Variants in KAZN observed in about 807,000 individuals in gnomAD.
The protein encoded by KAZN is kazrin, periplakin interacting protein.
KAZN carries 40 observed loss-of-function variants against 87.4 expected under a neutral mutation model. That is an observed-to-expected ratio of 0.46 (90% confidence interval 0.36 to 0.60). KAZN has a LOEUF of 0.60. Among genes scored for constraint, KAZN ranks in the 20% least tolerant of loss-of-function variants. The probability of loss-of-function intolerance (pLI) is 0.00; values close to 1 mark genes in which losing one functional copy is unlikely to be tolerated. For synonymous variants in KAZN, 466 were observed against 458.3 expected (o/e 1.02, Z -0.22); for missense variants, 898 against 1,073.9 (o/e 0.84, Z 2.29).
At chr1:14,821,926 G>A (rs1004060453) in intron 1 of KAZN, among the ~76,000 whole-genome samples, 1 of 152,188 alleles carries the variant, frequency 6.6e-6, no homozygotes. Flanking sequence ...CAGACACGTG[G>A]TGGTTTTCTT....
At position 14,492,665 on chromosome 1, in the gene KAZN, AAT is replaced by A. The variant is rs1669715330; in HGVS notation, c.250-106316_250-106315del. Among the ~76,000 whole-genome samples the A allele has an allele frequency of 8.8e-4, 27 of 30,836 alleles. 1 individual carries two copies. The highest frequency in any genetic ancestry group is 2.2e-3 in the East Asian group (2 of 924). The allele number at this position is 30,836 out of a possible 152,430, so 20.2% of individuals were successfully genotyped here. A position where few individuals can be genotyped will look rare whatever the true frequency, so the allele number is the denominator to read the frequency against. On this transcript the variant is annotated intron_variant, in intron 2 of 16. Coordinates refer to the KAZN transcript ENST00000636203. Reference sequence around the variant, plus strand: ...CATAACCACACATGCACACACCACAAATACACACTACACACCACACACACACC... The same window carrying A: ...CATAACCACACATGCACACACCACAAACACACTACACACCACACACACACC...
intron 2 of KAZN, among the ~76,000 whole-genome samples, chr1:14,503,579 CA>C (rs1377075286): frequency 6.0e-5 from 9 of 149,850 alleles, no homozygotes; most frequent in Non-Finnish European, 1.3e-4. Flanking sequence ...AATTCCACAT[CA>C]AAACACACAG....
intron 2 of KAZN, among the ~76,000 whole-genome samples, chr1:14,425,679 A>G (rs72645924): frequency 6.4e-4 from 97 of 152,340 alleles, no homozygotes; most frequent in Non-Finnish European, 1.2e-3. Flanking sequence ...AACTGCGGTC[A>G]GCTGGGGTCT....
intron 2 of KAZN, among the ~76,000 whole-genome samples, chr1:14,431,636 G>C (rs370998356): frequency 6.8e-4 from 103 of 152,306 alleles, no homozygotes; most frequent in African/African-American, 1.9e-3. Flanking sequence ...AACAAAGCAG[G>C]CAGAAGAAGA....
At chr1:14,076,651 C>T (rs1643471458) in intron 1 of KAZN, among the ~76,000 whole-genome samples, 1 of 152,178 alleles carries the variant, frequency 6.6e-6, no homozygotes, top group Non-Finnish European at 1.5e-5. Flanking sequence ...AGGGCAAAAC[C>T]ACCCCTGCTT....
chr1:14,988,923 C>T (rs1667091991), intron 2 of KAZN, among the ~76,000 whole-genome samples: 1 of 152,234 alleles, frequency 6.6e-6, no homozygotes, highest in South Asian at 2.1e-4. Context: ...GGCCTGGATT[C>T]CTGGGGGAGG....
At chr1:15,000,925 A>T (rs1337851888) in intron 2 of KAZN, among the ~76,000 whole-genome samples, 2 of 151,568 alleles carry the variant, frequency 1.3e-5, no homozygotes, top group Non-Finnish European at 2.9e-5. Flanking sequence ...GCAACATAGC[A>T]AGACCCTATC....
intron 1 of KAZN, among the ~76,000 whole-genome samples, chr1:14,902,438 C>T (rs959244112): frequency 2.6e-5 from 4 of 152,012 alleles, no homozygotes; most frequent in Non-Finnish European, 5.9e-5. Context: ...CCGTGTTAGC[C>T]AGGATGGTCT....
rs532918849 is a variant in KAZN, at chr1:14,663,099, C to A, written c.226+63876C>A. Among the ~76,000 whole-genome samples the A allele has an allele frequency of 5.3e-4, 80 of 151,890 alleles. 1 individual carries two copies. The highest frequency in any genetic ancestry group is 7.2e-4 in the Non-Finnish European group (49 of 67,966). On this transcript the variant is annotated intron_variant, in intron 1 of 14. Transcript: ENST00000376030. The stretch of plus-strand genomic sequence containing the variant: ...GATCTTCCTACCTCAGCCTCCTGAG[C>A]AGCTGGAACAGCAGGCGTGCATCAC...
intron 2 of KAZN, among the ~76,000 whole-genome samples, chr1:14,277,797 T>A (rs1652500921): frequency 6.6e-6 from 1 of 152,166 alleles, no homozygotes. Flanking sequence ...TCCAAATTAT[T>A]TTGGAGCAAT....
chr1:14,724,553 A>G (rs567600704), intron 1 of KAZN, among the ~76,000 whole-genome samples: 54 of 152,356 alleles, frequency 3.5e-4, no homozygotes, highest in African/African-American at 1.2e-3. Context: ...CAATTAATCT[A>G]AAAAATTAAA....
intron 1 of KAZN, among the ~76,000 whole-genome samples, chr1:14,626,203 A>G (rs571389901): frequency 6.6e-5 from 10 of 152,198 alleles, no homozygotes; most frequent in Non-Finnish European, 1.0e-4. Flanking sequence ...GCCTGTACAC[A>G]TTATACGGAA....
intron 2 of KAZN, among the ~76,000 whole-genome samples, chr1:14,515,719 C>T (rs1421635877): frequency 5.3e-5 from 8 of 152,152 alleles, no homozygotes; most frequent in African/African-American, 1.4e-4. Context: ...GCCACTACCA[C>T]CTCACCAAGT....
intron 1 of KAZN, among the ~76,000 whole-genome samples, chr1:14,175,971 C>G (rs908120170): frequency 3.9e-5 from 6 of 152,118 alleles, no homozygotes; most frequent in African/African-American, 1.4e-4. Flanking sequence ...TCCTAACCTT[C>G]CTGTTTGCAG....
At chr1:14,173,658 T>G (rs1026048488) in intron 1 of KAZN, among the ~76,000 whole-genome samples, 5 of 148,592 alleles carry the variant, frequency 3.4e-5, no homozygotes, top group South Asian at 2.2e-4. Flanking sequence ...GTAGTTCCCC[T>G]CCCCGCCCCG....
At chr1:13,976,762 T>G (rs966721737) in intron 1 of KAZN, among the ~76,000 whole-genome samples, 8 of 152,182 alleles carry the variant, frequency 5.3e-5, no homozygotes, top group African/African-American at 1.9e-4. Flanking sequence ...TGCATCCACC[T>G]ATCTTCCTTA....
At chr1:15,007,672 G>A (rs1292764737) in intron 2 of KAZN, among the ~76,000 whole-genome samples, 1 of 152,186 alleles carries the variant, frequency 6.6e-6, no homozygotes. Flanking sequence ...TGCCGGGCAG[G>A]TAGCTCACCT....
At chr1:14,427,379 G>T (rs1241289867) in intron 2 of KAZN, among the ~76,000 whole-genome samples, 4 of 152,154 alleles carry the variant, frequency 2.6e-5, no homozygotes, top group Non-Finnish European at 5.9e-5. Context: ...ATGAGATAAT[G>T]TACATGAAAC....
chr1:15,074,603 T>C (rs1639656409), intron 8 of KAZN, among the ~76,000 whole-genome samples: 1 of 152,172 alleles, frequency 6.6e-6, no homozygotes, highest in Non-Finnish European at 1.5e-5. Flanking sequence ...GCCAAGGCCA[T>C]GAATGTCCCC....
Sources: allele counts gnomAD v4.1 joint callset (sites outside exome capture counted in the v4.1 genomes callset), GRCh38; gene constraint gnomAD v4.1.1; transcripts MANE v1.5; gene names NCBI Gene and HGNC (gene_info 2026-07-23, HGNC 2026-07-21).